AP3B1: variants seen among roughly 807,000 people sequenced by gnomAD.
AP3B1 encodes adaptor related protein complex 3 subunit beta 1, also known as AP-3 complex subunit beta-1.
AP3B1 carries 61 observed loss-of-function variants against 132.5 expected under a neutral mutation model. The ratio of observed to expected loss-of-function variants is 0.46; its 90% CI spans 0.37 to 0.57. The LOEUF is 0.57. Among genes scored for constraint, AP3B1 ranks in the 20% least tolerant of loss-of-function variants. The probability of loss-of-function intolerance (pLI) is 0.00; values close to 1 mark genes in which losing one functional copy is unlikely to be tolerated. For missense variants in AP3B1, 1,120 were observed against 1,289.4 expected, an observed-to-expected ratio of 0.87 and a Z score of 2.01; for synonymous variants, 388 against 438.3, an observed-to-expected ratio of 0.89 and a Z score of 1.43.
rs1358618690 is a variant in AP3B1, at chr5:78,294,611, C to T, written c.-32G>A. On this transcript the variant is annotated 5_prime_UTR_variant, in exon 1 of 27. Transcript: ENST00000255194. The stretch of plus-strand genomic sequence containing the variant: ...GGTGCTGGCGGGTGCGGGGTTGGTC[C>T]TGCCGGGGGTTCTCTCCAAAAGGTT... 1 of 1,613,314 alleles carries T rather than the reference C, an allele frequency of 6.2e-7. No individual in the cohort carries two copies.
intron 22 of AP3B1, among the ~76,000 whole-genome samples, chr5:78,064,050 T>C (rs1283194320): frequency 6.6e-6 from 1 of 151,188 alleles, no homozygotes; most frequent in African/African-American, 2.4e-5. Context: ...AAAGATCAAT[T>C]ACAATTCAGG....
intron 21 of AP3B1, among the ~76,000 whole-genome samples, chr5:78,094,402 T>A (rs1319692170): frequency 2.0e-5 from 3 of 152,132 alleles, no homozygotes; most frequent in Non-Finnish European, 4.4e-5. Context: ...AAATTACAAA[T>A]GAATAAAATG....
chr5:78,281,467 T>C (rs895978725), intron 1 of AP3B1, among the ~76,000 whole-genome samples: 8 of 149,622 alleles, frequency 5.3e-5, no homozygotes, highest in Admixed American at 2.0e-4. Context: ...ACAGTTCTCA[T>C]CTATAGTTAA....
intron 22 of AP3B1, among the ~76,000 whole-genome samples, chr5:78,077,388 G>A (rs1286022420): frequency 1.3e-5 from 2 of 152,130 alleles, no homozygotes; most frequent in Admixed American, 6.5e-5. Flanking sequence ...ACTGGGGTCT[G>A]TGGTAGCTGG....
At chr5:78,083,283 C>G (rs1750095306) in intron 22 of AP3B1, among the ~76,000 whole-genome samples, 1 of 152,128 alleles carries the variant, frequency 6.6e-6, no homozygotes, top group Non-Finnish European at 1.5e-5. Context: ...CCAGTTAAAG[C>G]AGAACATACA....
intron 3 of AP3B1, among the ~76,000 whole-genome samples, chr5:78,228,614 G>A (rs1746497231): frequency 6.6e-6 from 1 of 152,212 alleles, no homozygotes; most frequent in African/African-American, 2.4e-5. Context: ...CAGCTACACA[G>A]GAGGCTGAGG....
At chr5:78,013,458 A>G (rs1373462635) in intron 26 of AP3B1, among the ~76,000 whole-genome samples, 1 of 152,204 alleles carries the variant, frequency 6.6e-6, no homozygotes, top group Non-Finnish European at 1.5e-5. Flanking sequence ...ACTAAACTAG[A>G]TGTTCCAGCA....
chr5:78,016,906 T>C (rs1366123888), intron 25 of AP3B1, among the ~76,000 whole-genome samples: 1 of 152,120 alleles, frequency 6.6e-6, no homozygotes, highest in Non-Finnish European at 1.5e-5. Flanking sequence ...GAGATGTGTG[T>C]ACTCATTTAG....
intron 17 of AP3B1, among the ~76,000 whole-genome samples, chr5:78,125,573 A>G (rs1187508449): frequency 6.6e-6 from 1 of 152,108 alleles, no homozygotes; most frequent in Non-Finnish European, 1.5e-5. Context: ...TAAAAAGAAA[A>G]CTATCTACGT....
intron 11 of AP3B1, among the ~76,000 whole-genome samples, chr5:78,175,399 T>C (rs961673325): frequency 1.3e-5 from 2 of 152,220 alleles, no homozygotes; most frequent in African/African-American, 4.8e-5. Context: ...CCTTCAGTAA[T>C]CTGTGAGTTA....
At chr5:78,034,318 C>A (rs191219708) in intron 24 of AP3B1, 43 bp downstream of exon 24, 3 of 1,446,672 alleles carry the variant, frequency 2.1e-6, no homozygotes. Context: ...GATCTGCTAT[C>A]CTTTACAGGT....
In AP3B1 at chr5:78,002,539, C is replaced by T. The variant is rs1371655771; in HGVS notation, c.*363G>A. 1.1e-5 allele frequency: 6 copies of T among 529,682 alleles called. No homozygotes were observed. 32.8% of individuals were successfully genotyped at this position (529,682 alleles called of 1,614,324 possible). Reference sequence around the variant, plus strand: ...TCTCTTTGCTAATTTTTGCTTACTGCTGTAGGGAAGAAGATTTCCAATGAA... The same window carrying T: ...TCTCTTTGCTAATTTTTGCTTACTGTTGTAGGGAAGAAGATTTCCAATGAA... On this transcript the variant is annotated 3_prime_UTR_variant, in exon 27 of 27. Coordinates refer to ENST00000255194, the MANE Select transcript of AP3B1 (RefSeq NM_003664.5).
At chr5:78,123,644 T>C (rs1202447574) in intron 17 of AP3B1, among the ~76,000 whole-genome samples, 4 of 152,020 alleles carry the variant, frequency 2.6e-5, no homozygotes, top group Non-Finnish European at 5.9e-5. Context: ...AAAACCACAA[T>C]GAGATACCAT....
intron 22 of AP3B1, among the ~76,000 whole-genome samples, chr5:78,050,923 A>G (rs935663177): frequency 6.6e-6 from 1 of 152,200 alleles, no homozygotes; most frequent in African/African-American, 2.4e-5. Context: ...GAGTTAACAG[A>G]ACAAAAAGCA....
At chr5:78,177,690 G>A (rs183945227) in intron 8 of AP3B1, among the ~76,000 whole-genome samples, 181 of 152,084 alleles carry the variant, frequency 1.2e-3, no homozygotes, top group Non-Finnish European at 1.6e-3. Flanking sequence ...ACATCATGCT[G>A]GTTAAGAGCC....
intron 8 of AP3B1, among the ~76,000 whole-genome samples, chr5:78,181,216 C>T (rs561969261): frequency 2.0e-5 from 3 of 152,128 alleles, no homozygotes; most frequent in African/African-American, 7.2e-5. Flanking sequence ...ACCATTAAAA[C>T]GTAAATGAAG....
At chr5:78,063,712 T>C (rs1437449141) in intron 22 of AP3B1, among the ~76,000 whole-genome samples, 2 of 152,224 alleles carry the variant, frequency 1.3e-5, no homozygotes, top group Admixed American at 6.5e-5. Context: ...CCATTCACTA[T>C]GAAAAGACTT....
intron 21 of AP3B1, among the ~76,000 whole-genome samples, chr5:78,095,177 G>A (rs1351557888): frequency 6.6e-6 from 1 of 152,068 alleles, no homozygotes; most frequent in African/African-American, 2.4e-5. Flanking sequence ...TATTCATTTA[G>A]AATCTCCAGT....
intron 7 of AP3B1, among the ~76,000 whole-genome samples, chr5:78,193,736 ATATTTTTT>A (rs1470003746): frequency 7.1e-5 from 5 of 70,564 alleles, no homozygotes; most frequent in Middle Eastern, 0.011. Flanking sequence ...ATATTTGTAT[ATATTTTTT>A]TATATATATA....
Sources: gnomAD v4.1 joint callset for allele counts (sites outside exome capture counted in the v4.1 genomes callset) on GRCh38, gnomAD v4.1.1 for gene constraint, MANE v1.5 for transcripts, NCBI Gene and HGNC (gene_info 2026-07-23, HGNC 2026-07-21) for gene names.